The following TCERG1L variants were observed in gnomAD, a reference collection of about 807,000 sequenced individuals.
The protein encoded by TCERG1L is transcription elongation regulator 1 like, also known as transcription elongation regulator 1-like protein.
TCERG1L carries 37 observed loss-of-function variants against 56.3 expected under a neutral mutation model. That is an observed-to-expected ratio of 0.66 (90% CI 0.51 to 0.87). The LOEUF (loss-of-function observed/expected upper bound fraction) is 0.87, where lower values mean the gene tolerates loss of function less well. TCERG1L is among the 40% of genes least tolerant of loss of function. The pLI is 0.00. For missense variants in TCERG1L, 799 were observed against 774.2 expected, an observed-to-expected ratio of 1.03 and a Z score of -0.38; for synonymous variants, 324 against 326.3, an observed-to-expected ratio of 0.99 and a Z score of 0.08.
At chr10:131,246,766 C>A (rs1761923955) in intron 4 of TCERG1L, among the ~76,000 whole-genome samples, 2 of 152,204 alleles carry the variant, frequency 1.3e-5, no homozygotes, top group African/African-American at 4.8e-5. Context: ...AGCCTTGAGG[C>A]TGGGCCATCC....
intron 6 of TCERG1L, among the ~76,000 whole-genome samples, chr10:131,150,292 TAG>T (rs1845850201): frequency 4.9e-5 from 1 of 20,216 alleles, no homozygotes; most frequent in Non-Finnish European, 2.6e-4. Flanking sequence ...TGTGCTCCTC[TAG>T]AGTCACTGAA....
chr10:131,308,189 T>C, intron 3 of TCERG1L, 22 bp downstream of exon 3: 1 of 1,581,396 alleles, frequency 6.3e-7, no homozygotes, highest in Admixed American at 1.9e-5. Context: ...ACAGACATTG[T>C]CAATGTTATT....
chr10:131,253,535 G>A (rs138952614), intron 4 of TCERG1L, among the ~76,000 whole-genome samples: 6 of 152,274 alleles, frequency 3.9e-5, no homozygotes, highest in African/African-American at 9.6e-5. Flanking sequence ...CAGAGATTCC[G>A]GTTAATGCTG....
At chr10:131,301,996 C>A (rs1371852523) in intron 3 of TCERG1L, among the ~76,000 whole-genome samples, 2 of 152,052 alleles carry the variant, frequency 1.3e-5, no homozygotes, top group Non-Finnish European at 2.9e-5. Context: ...GACAGAGCAG[C>A]AGCAACATTA....
intron 4 of TCERG1L, among the ~76,000 whole-genome samples, chr10:131,241,194 G>A (rs549992790): frequency 1.3e-5 from 2 of 152,352 alleles, no homozygotes; most frequent in South Asian, 4.1e-4. Flanking sequence ...GTGGAGGGCG[G>A]TGGAGAACAC....
chr10:131,271,753 G>A (rs1846341755), intron 3 of TCERG1L, among the ~76,000 whole-genome samples: 1 of 152,332 alleles, frequency 6.6e-6, no homozygotes, highest in Middle Eastern at 3.4e-3. Context: ...CGAGGGCAGA[G>A]GGTTTTAGGC....
At chr10:131,198,529 C>T (rs951234934) in intron 4 of TCERG1L, among the ~76,000 whole-genome samples, 9 of 152,258 alleles carry the variant, frequency 5.9e-5, no homozygotes, top group African/African-American at 1.7e-4. Flanking sequence ...TGTTCCTCAC[C>T]GTCCGGAGGC....
chr10:131,190,112 A>T (rs1845288461), intron 4 of TCERG1L, among the ~76,000 whole-genome samples: 1 of 152,218 alleles, frequency 6.6e-6, no homozygotes, highest in African/African-American at 2.4e-5. Context: ...ACACCAGAGA[A>T]ATAAAAAAGA....
At chr10:131,309,079 TTTG>T in intron 2 of TCERG1L, 71 bp downstream of exon 2, 4 of 1,531,934 alleles carry the variant, frequency 2.6e-6, no homozygotes, top group South Asian at 2.5e-5. Flanking sequence ...CATGGGTATT[TTTG>T]TTGTTATGTC....
chr10:131,094,216 G>A (rs935123909), intron 11 of TCERG1L, among the ~76,000 whole-genome samples: 2 of 152,188 alleles, frequency 1.3e-5, no homozygotes, highest in Non-Finnish European at 2.9e-5. Context: ...AGGGACCAAG[G>A]CCTGGAGCCG....
chr10:131,292,165 C>T (rs115934878), intron 3 of TCERG1L, among the ~76,000 whole-genome samples: 462 of 152,254 alleles, frequency 3.0e-3, no homozygotes, highest in African/African-American at 0.01. Context: ...ACAGTGACTC[C>T]GACTATCCAA....
chr10:131,172,036 C>T (rs1168264867), intron 4 of TCERG1L, among the ~76,000 whole-genome samples: 1 of 152,232 alleles, frequency 6.6e-6, no homozygotes, highest in African/African-American at 2.4e-5. Context: ...AATTTTAATT[C>T]CATAAATATT....
At chr10:131,109,743 G>A (rs575253872) in intron 9 of TCERG1L, among the ~76,000 whole-genome samples, 3 of 152,260 alleles carry the variant, frequency 2.0e-5, no homozygotes, top group Admixed American at 6.5e-5. Flanking sequence ...CTCCTGCAGC[G>A]GGACTCTCCT....
chr10:131,203,298 G>A (rs1453655365), intron 4 of TCERG1L, among the ~76,000 whole-genome samples: 7 of 102,188 alleles, frequency 6.9e-5, no homozygotes, highest in Non-Finnish European at 1.4e-4. Context: ...ATGGGTGACA[G>A]AGTGAGACTC....
At chr10:131,294,549 C>A (rs1251910025) in intron 3 of TCERG1L, among the ~76,000 whole-genome samples, 1 of 152,188 alleles carries the variant, frequency 6.6e-6, no homozygotes, top group Non-Finnish European at 1.5e-5. Flanking sequence ...GCCTCAGTTT[C>A]TTCCTTTTAA....
intron 8 of TCERG1L, among the ~76,000 whole-genome samples, chr10:131,132,884 AC>A (rs1257750650): frequency 1.3e-5 from 2 of 152,190 alleles, no homozygotes; most frequent in Non-Finnish European, 2.9e-5. Flanking sequence ...CTGCCCTGCC[AC>A]GTGCGGCCCT....
chr10:131,291,489 T>G (rs554104176), intron 3 of TCERG1L, among the ~76,000 whole-genome samples: 18 of 131,034 alleles, frequency 1.4e-4, no homozygotes, highest in Non-Finnish European at 2.5e-4. Context: ...TGCAGTGGCG[T>G]GATCTCGGCT....
intron 9 of TCERG1L, among the ~76,000 whole-genome samples, chr10:131,114,457 G>C (rs1845435110): frequency 4.7e-5 from 7 of 150,068 alleles, no homozygotes; most frequent in Admixed American, 4.7e-4. Context: ...TAAGACACGG[G>C]ACTAGGCTTC....
intron 4 of TCERG1L, among the ~76,000 whole-genome samples, chr10:131,199,223 G>A (rs987219752): frequency 6.6e-6 from 1 of 152,186 alleles, no homozygotes; most frequent in Non-Finnish European, 1.5e-5. Context: ...ATCAAAGGGT[G>A]CCTTGGCTAC....
Sources: allele counts gnomAD v4.1 joint callset (sites outside exome capture counted in the v4.1 genomes callset), GRCh38; gene constraint gnomAD v4.1.1; transcripts MANE v1.5; gene names NCBI Gene and HGNC (gene_info 2026-07-23, HGNC 2026-07-21).